The following PCDHA5 variants were observed in gnomAD, a reference collection of about 807,000 sequenced individuals.
The protein encoded by PCDHA5 is protocadherin alpha 5, also known as protocadherin alpha-5.
PCDHA5 carries 43 observed loss-of-function variants against 61.6 expected under a neutral mutation model. That is an observed-to-expected ratio of 0.70 (90% CI 0.55 to 0.90). PCDHA5 has a LOEUF of 0.90. Ranked by LOEUF, PCDHA5 falls within the 40% of genes least tolerant of loss-of-function variation. The probability of loss-of-function intolerance (pLI) is 0.00; values close to 1 mark genes in which losing one functional copy is unlikely to be tolerated. For missense variants in PCDHA5, 1,298 were observed against 1,222.7 expected, an observed-to-expected ratio of 1.06 and a Z score of -0.92; for synonymous variants, 627 against 543.9, an observed-to-expected ratio of 1.15 and a Z score of -2.13.
chr5:140,871,877 G>A (rs1554165902), intron 1 of PCDHA5, among the ~76,000 whole-genome samples: 2 of 152,144 alleles, frequency 1.3e-5, no homozygotes, highest in African/African-American at 4.8e-5. Flanking sequence ...ATTTAAATTT[G>A]CTCCTCTTTG....
In PCDHA5 at chr5:140,830,182, C is replaced by T. The variant is rs2150182524; in HGVS notation, c.2352+6055C>T. The T allele has an allele frequency of 8.7e-6, 14 of 1,613,656 alleles. No homozygotes were observed. The African/African-American group carries it at 1.9e-4, about 21-fold the overall frequency. ...CAGAGGCGGCGCTGGTGGATGTCAA[C>T]GTGTACCTGATCATCGCCATCTGCG... On this transcript the variant is annotated intron_variant, in intron 1 of 3. Transcript: ENST00000529859.
At chr5:140,966,730 C>T in intron 1 of PCDHA5, 1 of 1,405,456 alleles carries the variant, frequency 7.1e-7, no homozygotes, top group Non-Finnish European at 9.2e-7. Context: ...CTGCCGCCTC[C>T]GGCCCTGCCC....
intron 1 of PCDHA5, among the ~76,000 whole-genome samples, chr5:140,839,583 T>A (rs1285207405): frequency 6.6e-6 from 1 of 151,916 alleles, no homozygotes; most frequent in Non-Finnish European, 1.5e-5. Context: ...AGAGATGGGG[T>A]CTTACCATGT....
At chr5:140,834,207 T>C in intron 1 of PCDHA5, 1 of 628,528 alleles carries the variant, frequency 1.6e-6, no homozygotes, top group Non-Finnish European at 2.7e-6. Flanking sequence ...CCGCAAATTC[T>C]TTCGTAATCA....
intron 1 of PCDHA5, chr5:140,863,602 T>G: frequency 1.4e-5 from 5 of 354,858 alleles, no homozygotes; most frequent in South Asian, 1.1e-4. Flanking sequence ...TTCATTCCTA[T>G]TAATGTCCCT....
chr5:140,848,857 T>C (rs2150422920), intron 1 of PCDHA5: 1 of 1,590,410 alleles, frequency 6.3e-7, no homozygotes, highest in Non-Finnish European at 8.6e-7. Context: ...CATGTGGACG[T>C]GGAGGTGAAG....
At chr5:140,968,317 A>T (rs144335538) in intron 1 of PCDHA5, 17,308 of 1,614,002 alleles carry the variant, frequency 0.011, 130 homozygotes, top group Non-Finnish European at 0.013. Flanking sequence ...AAGGGCTGCC[A>T]GTCACCTCCT....
chr5:140,871,692 C>T, intron 1 of PCDHA5: 1 of 997,192 alleles, frequency 1.0e-6, no homozygotes, highest in Non-Finnish European at 1.4e-6. Flanking sequence ...AATCTGGCTT[C>T]TTTAACCAAT....
At position 140,875,233 on chromosome 5, in the gene PCDHA5, G is replaced by A. The variant is rs1379502066; in HGVS notation, c.2352+51106G>A. Reference sequence around the variant, plus strand: ...CGAAAAGAACCTCAGGATCTTTCTTGTACTTACATAATCAGTCACATGATG... The same window carrying A: ...CGAAAAGAACCTCAGGATCTTTCTTATACTTACATAATCAGTCACATGATG... On this transcript the variant is annotated intron_variant, in intron 1 of 3. Coordinates refer to ENST00000529859, the MANE Select transcript of PCDHA5 (RefSeq NM_018908.3). The A allele has an allele frequency of 3.5e-6, 3 of 863,762 alleles. No individual in the cohort carries two copies. The African/African-American group carries it at 5.1e-5, about 15-fold the overall frequency. The allele number at this position is 863,762 out of a possible 1,614,324, so 53.5% of individuals were successfully genotyped here. A position where few individuals can be genotyped will look rare whatever the true frequency, so the allele number is the denominator to read the frequency against.
chr5:140,938,237 T>A (rs1287300526), intron 1 of PCDHA5, among the ~76,000 whole-genome samples: 1 of 152,208 alleles, frequency 6.6e-6, no homozygotes, highest in African/African-American at 2.4e-5. Context: ...TAGGCCACCA[T>A]GCCTGGTCTT....
At chr5:140,922,072 A>C (rs1390677282) in intron 1 of PCDHA5, among the ~76,000 whole-genome samples, 1 of 152,198 alleles carries the variant, frequency 6.6e-6, no homozygotes, top group East Asian at 1.9e-4. Context: ...AATCCCACTA[A>C]GCAAAAAGTG....
chr5:140,830,228 C>T (rs1346700283), intron 1 of PCDHA5: 15 of 1,613,800 alleles, frequency 9.3e-6, no homozygotes, highest in Non-Finnish European at 1.3e-5. Flanking sequence ...CCTGCTGGTC[C>T]TCACGCTACT....
chr5:140,856,981 C>T lies in PCDHA5; in HGVS notation c.2352+32854C>T, dbSNP rs1554149362. 1.2e-5 allele frequency: 19 copies of T among 1,594,810 alleles called. 1 individual carries two copies. Among genetic ancestry groups the T allele is most frequent in the Non-Finnish European group, 1.5e-5 (18 of 1,164,604 alleles). Reference sequence around the variant, plus strand: ...TAAATGATGCTATTGACTTTGAGGACAGTAACACTTATGAAATTCATGTAG... The same window carrying T: ...TAAATGATGCTATTGACTTTGAGGATAGTAACACTTATGAAATTCATGTAG... On this transcript the variant is annotated intron_variant, in intron 1 of 3. Transcript: ENST00000529859.
At chr5:140,911,283 A>G (rs906069835) in intron 1 of PCDHA5, among the ~76,000 whole-genome samples, 1 of 152,278 alleles carries the variant, frequency 6.6e-6, no homozygotes, top group Non-Finnish European at 1.5e-5. Context: ...CAGCTTCATC[A>G]GGGTCCTTTT....
rs189936741 is a variant in PCDHA5, at chr5:140,928,492, C to T, written c.2353-50457C>T. The T allele has an allele frequency of 1.5e-5, 24 of 1,614,150 alleles. No individual in the cohort carries two copies. In the East Asian group the frequency reaches 5.3e-4, roughly 36 times the overall value. ...AGAAGGCCGGGATGGTGGCATTCCT[C>T]CCAGAAGTGCAACAGTGACTATAAA... On this transcript the variant is annotated intron_variant, in intron 1 of 3. Transcript: ENST00000529859.
intron 1 of PCDHA5, chr5:140,877,152 C>A (rs1662783035): frequency 6.2e-7 from 1 of 1,613,688 alleles, no homozygotes; most frequent in Non-Finnish European, 8.5e-7. Context: ...ACGAGAACGA[C>A]AACGCGCCGG....
chr5:140,855,819 C>T, intron 1 of PCDHA5: 1 of 524,234 alleles, frequency 1.9e-6, no homozygotes, highest in Non-Finnish European at 3.4e-6. Flanking sequence ...AAGTTGTGAA[C>T]TCATGGAATC....
rs2150499479 is a variant in PCDHA5 at position 140,850,817 on chromosome 5, G to A, written c.2352+26690G>A. 3 of 1,598,296 alleles carry A rather than the reference G, an allele frequency of 1.9e-6. 1 individual carries two copies. The highest frequency in any genetic ancestry group is 2.6e-6 in the Non-Finnish European group (3 of 1,167,646). On this transcript the variant is annotated intron_variant, in intron 1 of 3. Transcript: ENST00000529859. ...AGACCGACCTCATGGCCTTCAGCCC[G>A]GGCCTTTCTCCTTGTGCTGGATCTA... is the stretch of plus-strand genomic sequence containing the variant.
At chr5:140,877,655 C>T (rs868936879) in intron 1 of PCDHA5, 4 of 1,613,562 alleles carry the variant, frequency 2.5e-6, no homozygotes, top group South Asian at 2.2e-5. Context: ...GCGCCGCCCA[C>T]CGTGAGCCGG....
Sources: allele counts gnomAD v4.1 joint callset (sites outside exome capture counted in the v4.1 genomes callset), GRCh38; gene constraint gnomAD v4.1.1; transcripts MANE v1.5; gene names NCBI Gene and HGNC (gene_info 2026-07-23, HGNC 2026-07-21).